CCSER1: variants seen among roughly 807,000 people sequenced by gnomAD.
CCSER1 encodes coiled-coil serine rich protein 1, also known as serine-rich coiled-coil domain-containing protein 1.
A neutral mutation model predicts 82.0 loss-of-function variants in CCSER1; 41 were observed. The observed-to-expected ratio is 0.50, with a 90% CI of 0.39 to 0.65. The LOEUF is 0.65. Ranked by LOEUF, CCSER1 falls within the 30% of genes least tolerant of loss-of-function variation. The pLI is 0.00. For missense variants in CCSER1, 1,119 were observed against 1,064.2 expected, an observed-to-expected ratio of 1.05 and a Z score of -0.72; for synonymous variants, 414 against 383.9, an observed-to-expected ratio of 1.08 and a Z score of -0.92.
At chr4:91,215,651 G>A (rs887713990) in intron 10 of CCSER1, among the ~76,000 whole-genome samples, 6 of 152,228 alleles carry the variant, frequency 3.9e-5, no homozygotes, top group South Asian at 4.1e-4. Flanking sequence ...ATGGTGCCAC[G>A]CAGATTTGAG....
At chr4:90,367,486 T>G (rs2153522219) in intron 3 of CCSER1, among the ~76,000 whole-genome samples, 1 of 151,984 alleles carries the variant, frequency 6.6e-6, no homozygotes, top group South Asian at 2.1e-4. Context: ...TGCTTGTGTT[T>G]TAGCTAGCCA....
At chr4:91,142,424 T>A (rs1417431830) in intron 10 of CCSER1, among the ~76,000 whole-genome samples, 1 of 152,178 alleles carries the variant, frequency 6.6e-6, no homozygotes, top group Non-Finnish European at 1.5e-5. Context: ...AACAGACTAA[T>A]ATACTCTGTT....
At chr4:91,133,792 A>G (rs1728210722) in intron 10 of CCSER1, among the ~76,000 whole-genome samples, 1 of 152,168 alleles carries the variant, frequency 6.6e-6, no homozygotes, top group Non-Finnish European at 1.5e-5. Flanking sequence ...GATAAGCCTG[A>G]AGTATTTTGT....
intron 10 of CCSER1, among the ~76,000 whole-genome samples, chr4:91,178,713 A>T (rs966883091): frequency 2.0e-5 from 3 of 151,778 alleles, no homozygotes; most frequent in Non-Finnish European, 4.4e-5. Context: ...TGCATGTGAG[A>T]TGGGTCTCCT....
intron 10 of CCSER1, among the ~76,000 whole-genome samples, chr4:91,569,982 A>G (rs1353553799): frequency 6.6e-6 from 1 of 152,156 alleles, no homozygotes; most frequent in Admixed American, 6.5e-5. Context: ...ATGATGGGGG[A>G]AAAGGCACTG....
chr4:90,158,556 GT>G (rs1025507965), intron 1 of CCSER1, among the ~76,000 whole-genome samples: 1 of 152,204 alleles, frequency 6.6e-6, no homozygotes, highest in Non-Finnish European at 1.5e-5. Flanking sequence ...TGGCTGCTTT[GT>G]TTACCTAAGC....
In CCSER1 at chr4:91,278,373, C is replaced by A. The variant is rs570452847; in HGVS notation, c.2217+192379C>A. On this transcript the variant is annotated intron_variant, in intron 10 of 10. Coordinates refer to ENST00000509176, the MANE Select transcript of CCSER1 (RefSeq NM_001145065.2). ...GTATCTGGTGCTCCTCTATCAGGTG[C>A]ATATATGTTTAGAAATGTAATACCC... Among the ~76,000 whole-genome samples, 132 of 152,162 alleles carry A rather than the reference C, an allele frequency of 8.7e-4. 4 individuals carry two copies. Among genetic ancestry groups the A allele is most frequent in the East Asian group, 5.2e-3 (27 of 5,190 alleles).
chr4:90,484,016 G>T (rs570147823), intron 5 of CCSER1, among the ~76,000 whole-genome samples: 1 of 152,308 alleles, frequency 6.6e-6, no homozygotes, highest in East Asian at 1.9e-4. Context: ...ACACCAATTA[G>T]ACGTAGATTT....
At chr4:90,532,003 G>GTATA (rs374729389) in intron 5 of CCSER1, among the ~76,000 whole-genome samples, 2 of 150,948 alleles carry the variant, frequency 1.3e-5, no homozygotes, top group African/African-American at 4.9e-5. Flanking sequence ...GATTTTAAGA[G>GTATA]TATATATATA....
intron 1 of CCSER1, among the ~76,000 whole-genome samples, chr4:90,260,119 A>T (rs1413189822): frequency 6.6e-6 from 1 of 152,152 alleles, no homozygotes; most frequent in East Asian, 1.9e-4. Context: ...GCAATTTTTT[A>T]AAATTATTGA....
At chr4:90,918,017 A>C (rs974809793) in intron 8 of CCSER1, among the ~76,000 whole-genome samples, 1 of 152,094 alleles carries the variant, frequency 6.6e-6, no homozygotes, top group African/African-American at 2.4e-5. Context: ...ACATTAAAAA[A>C]ATCTTTTTCT....
At chr4:90,383,002 G>A (rs1578201057) in intron 3 of CCSER1, among the ~76,000 whole-genome samples, 1 of 152,086 alleles carries the variant, frequency 6.6e-6, no homozygotes, top group African/African-American at 2.4e-5. Flanking sequence ...GGCTGTTCCA[G>A]GTGTTGTGGG....
intron 3 of CCSER1, among the ~76,000 whole-genome samples, chr4:90,351,508 A>G (rs1424595368): frequency 6.6e-6 from 1 of 152,204 alleles, no homozygotes; most frequent in East Asian, 1.9e-4. Flanking sequence ...TAATAATTTG[A>G]GTATATATAA....
intron 9 of CCSER1, among the ~76,000 whole-genome samples, chr4:91,078,718 G>C (rs531964013): frequency 6.6e-6 from 1 of 152,284 alleles, no homozygotes; most frequent in East Asian, 1.9e-4. Flanking sequence ...AGAAAAAACA[G>C]TGTAGAGAAG....
intron 10 of CCSER1, among the ~76,000 whole-genome samples, chr4:91,256,435 T>C (rs1185534116): frequency 1.3e-5 from 2 of 152,192 alleles, no homozygotes; most frequent in Non-Finnish European, 2.9e-5. Context: ...CCTTGAAGCA[T>C]GTGATCTCTG....
intron 9 of CCSER1, among the ~76,000 whole-genome samples, chr4:91,050,247 C>G (rs1458119278): frequency 6.6e-6 from 1 of 152,104 alleles, no homozygotes; most frequent in South Asian, 2.1e-4. Flanking sequence ...CCTGGCCAAT[C>G]TGGTGAAACC....
intron 3 of CCSER1, among the ~76,000 whole-genome samples, chr4:90,353,933 T>C (rs1316302143): frequency 6.6e-6 from 1 of 152,176 alleles, no homozygotes; most frequent in Non-Finnish European, 1.5e-5. Context: ...TACTTCTGAC[T>C]GTATATCTGA....
intron 7 of CCSER1, among the ~76,000 whole-genome samples, chr4:90,745,285 C>G (rs186474701): frequency 2.0e-5 from 3 of 152,192 alleles, no homozygotes; most frequent in Non-Finnish European, 2.9e-5. Context: ...CATGCTGCAT[C>G]TCTCTGATTC....
intron 7 of CCSER1, among the ~76,000 whole-genome samples, chr4:90,728,280 A>G (rs1219913071): frequency 1.3e-5 from 2 of 152,226 alleles, no homozygotes; most frequent in Middle Eastern, 3.4e-3. Flanking sequence ...TCTTTTCCTC[A>G]TCCCTAGTTA....
Sources: allele counts gnomAD v4.1 joint callset (sites outside exome capture counted in the v4.1 genomes callset), GRCh38; gene constraint gnomAD v4.1.1; transcripts MANE v1.5; gene names NCBI Gene and HGNC (gene_info 2026-07-23, HGNC 2026-07-21).